ZNF385B: variants seen among roughly 807,000 people sequenced by gnomAD.
The protein encoded by ZNF385B is zinc finger protein 385B.
ZNF385B carries 23 observed loss-of-function variants against 39.2 expected under a neutral mutation model. That is an observed-to-expected ratio of 0.59 (90% confidence interval 0.42 to 0.83). ZNF385B has a LOEUF of 0.83. Among genes scored for constraint, ZNF385B ranks in the 40% least tolerant of loss-of-function variants. ZNF385B has a pLI of 0.00. For missense variants in ZNF385B, 552 were observed against 598.9 expected (o/e 0.92, Z 0.82); for synonymous variants, 205 against 222.6 (o/e 0.92, Z 0.70).
chr2:179,465,499 G>A (rs1441019706), intron 6 of ZNF385B, among the ~76,000 whole-genome samples: 1 of 152,132 alleles, frequency 6.6e-6, no homozygotes, highest in East Asian at 1.9e-4. Flanking sequence ...CCACACAGGG[G>A]CCTTTCCAAG....
intron 3 of ZNF385B, among the ~76,000 whole-genome samples, chr2:179,690,998 T>C (rs1698314182): frequency 6.6e-6 from 1 of 152,192 alleles, no homozygotes. Flanking sequence ...CATCTGCACC[T>C]ACCTTGCTGG....
intron 4 of ZNF385B, among the ~76,000 whole-genome samples, chr2:179,519,864 C>T (rs903315585): frequency 1.3e-5 from 2 of 152,066 alleles, no homozygotes; most frequent in East Asian, 1.9e-4. Context: ...GATTATAAAT[C>T]GACAAAATGC....
chr2:179,641,084 T>TA (rs5836690), intron 3 of ZNF385B, among the ~76,000 whole-genome samples: 140,111 of 152,022 alleles, frequency 0.92, 64,727 homozygotes, highest in African/African-American at 0.95. Flanking sequence ...GACCACTGCA[T>TA]AAAAAAGATT....
At chr2:179,749,196 T>C (rs1004900326) in intron 3 of ZNF385B, among the ~76,000 whole-genome samples, 14 of 151,996 alleles carry the variant, frequency 9.2e-5, no homozygotes, top group Non-Finnish European at 1.5e-4. Context: ...AAGCTCCCTA[T>C]ACCTTTCACA....
intron 5 of ZNF385B, among the ~76,000 whole-genome samples, chr2:179,498,325 A>G (rs1321933310): frequency 6.6e-6 from 1 of 151,934 alleles, no homozygotes; most frequent in Non-Finnish European, 1.5e-5. Flanking sequence ...ACAAGTCTAC[A>G]TATAGACCAA....
At chr2:179,847,605 G>A (rs1020748189) in intron 1 of ZNF385B, among the ~76,000 whole-genome samples, 1 of 152,140 alleles carries the variant, frequency 6.6e-6, no homozygotes, top group African/African-American at 2.4e-5. Context: ...CTTTTCCTAA[G>A]TTCCTTGCAG....
intron 3 of ZNF385B, among the ~76,000 whole-genome samples, chr2:179,757,056 C>T (rs1703074110): frequency 6.6e-6 from 1 of 152,160 alleles, no homozygotes; most frequent in Admixed American, 6.5e-5. Flanking sequence ...TTAGAATTTT[C>T]AGCTTTTCTG....
intron 3 of ZNF385B, among the ~76,000 whole-genome samples, chr2:179,715,263 C>G (rs1017684848): frequency 6.6e-6 from 1 of 152,164 alleles, no homozygotes; most frequent in Non-Finnish European, 1.5e-5. Flanking sequence ...GTCCCACCAC[C>G]ATAGGTGATG....
intron 6 of ZNF385B, among the ~76,000 whole-genome samples, chr2:179,458,568 T>C (rs1242035245): frequency 6.6e-6 from 1 of 152,194 alleles, no homozygotes; most frequent in African/African-American, 2.4e-5. Flanking sequence ...TATGTCATCC[T>C]TGTAGCAGCT....
At chr2:179,794,942 T>C (rs1042824695) in intron 1 of ZNF385B, among the ~76,000 whole-genome samples, 1 of 151,870 alleles carries the variant, frequency 6.6e-6, no homozygotes, top group Non-Finnish European at 1.5e-5. Flanking sequence ...GAATGTGTAA[T>C]GGGAAGAGTA....
chr2:179,649,837 A>T (rs1693051665), intron 3 of ZNF385B, among the ~76,000 whole-genome samples: 1 of 152,200 alleles, frequency 6.6e-6, no homozygotes, highest in African/African-American at 2.4e-5. Flanking sequence ...AAGTTTTACC[A>T]TGTTACATTT....
At chr2:179,758,442 C>G (rs1703177971) in intron 3 of ZNF385B, among the ~76,000 whole-genome samples, 1 of 152,174 alleles carries the variant, frequency 6.6e-6, no homozygotes, top group Non-Finnish European at 1.5e-5. Context: ...GATCTTGAAG[C>G]CTCTTTTATA....
Position 179,518,076 on chromosome 2 carries a change from CT to C in ZNF385B, c.552+451del, listed in dbSNP as rs2058213986. On this transcript the variant is annotated intron_variant, in intron 5 of 9. Transcript: ENST00000410066. ...AAAATCTCTTCATTGCATTTTAAAACTTTTTTCATATTTTCTGATATTCAAG... is the reference window on the plus strand; with the variant it reads ...AAAATCTCTTCATTGCATTTTAAAACTTTTTCATATTTTCTGATATTCAAG... Among the ~76,000 whole-genome samples, 3 of 151,924 alleles carry C rather than the reference CT, an allele frequency of 2.0e-5. No homozygotes were observed. In the South Asian group the frequency reaches 6.2e-4, roughly 31 times the overall value.
chr2:179,557,170 A>C (rs1205333438), intron 3 of ZNF385B, among the ~76,000 whole-genome samples: 1 of 149,376 alleles, frequency 6.7e-6, no homozygotes, highest in Non-Finnish European at 1.5e-5. Context: ...CCTAGAGCTC[A>C]CTGCCCATGA....
chr2:179,484,338 C>G (rs2054330473), intron 5 of ZNF385B, among the ~76,000 whole-genome samples: 2 of 151,272 alleles, frequency 1.3e-5, no homozygotes, highest in South Asian at 4.2e-4. Context: ...TTTGAAAAGA[C>G]TCTGAAAAAA....
At chr2:179,779,726 G>A (rs1392610181) in intron 1 of ZNF385B, among the ~76,000 whole-genome samples, 2 of 152,124 alleles carry the variant, frequency 1.3e-5, no homozygotes, top group African/African-American at 4.8e-5. Context: ...GCTGGGCCTG[G>A]GGGCAGAGGG....
At chr2:179,566,306 T>C (rs1684571573) in intron 3 of ZNF385B, among the ~76,000 whole-genome samples, 1 of 152,234 alleles carries the variant, frequency 6.6e-6, no homozygotes, top group South Asian at 2.1e-4. Context: ...ATTCCTGGGA[T>C]AGTCCTCAAA....
chr2:179,609,703 A>G (rs1009096297), intron 3 of ZNF385B, among the ~76,000 whole-genome samples: 3 of 152,226 alleles, frequency 2.0e-5, no homozygotes, highest in African/African-American at 7.2e-5. Context: ...AACAGTGTAC[A>G]AAGAGTCGCT....
intron 3 of ZNF385B, among the ~76,000 whole-genome samples, chr2:179,734,866 A>T (rs1018768387): frequency 2.6e-5 from 4 of 152,194 alleles, no homozygotes; most frequent in African/African-American, 9.7e-5. Flanking sequence ...CTTACACCTT[A>T]TAGAAAAATC....
Sources: gnomAD v4.1 joint callset for allele counts (sites outside exome capture counted in the v4.1 genomes callset) on GRCh38, gnomAD v4.1.1 for gene constraint, MANE v1.5 for transcripts, NCBI Gene and HGNC (gene_info 2026-07-23, HGNC 2026-07-21) for gene names.